SPATA6L: variants seen among roughly 807,000 people sequenced by gnomAD.
SPATA6L encodes the protein spermatogenesis associated 6 like.
SPATA6L carries 68 observed loss-of-function variants against 49.2 expected under a neutral mutation model. The observed-to-expected ratio is 1.38, with a 90% confidence interval of 1.14 to 1.69. SPATA6L has a LOEUF of 1.69. SPATA6L is among the 40% of genes most tolerant of loss of function. The probability of loss-of-function intolerance (pLI) is 0.00; values close to 1 mark genes in which losing one functional copy is unlikely to be tolerated. For missense variants in SPATA6L, 668 were observed against 464.3 expected (o/e 1.44, Z -4.03); for synonymous variants, 198 against 165.7 (o/e 1.19, Z -1.50).
intron 13 of SPATA6L, among the ~76,000 whole-genome samples, chr9:4,591,849 A>T (rs1467028194): frequency 6.6e-6 from 1 of 152,248 alleles, no homozygotes; most frequent in African/African-American, 2.4e-5. Context: ...CCAGGCAGAC[A>T]GTCACCTACC....
chr9:4,643,800 T>A (rs1014866793), intron 3 of SPATA6L, among the ~76,000 whole-genome samples: 3 of 151,188 alleles, frequency 2.0e-5, no homozygotes, highest in African/African-American at 7.3e-5. Flanking sequence ...AGGTCAGGAG[T>A]TCGACACCAG....
At chr9:4,603,300 C>A (rs1436935499) in intron 11 of SPATA6L, among the ~76,000 whole-genome samples, 1 of 152,092 alleles carries the variant, frequency 6.6e-6, no homozygotes, top group African/African-American at 2.4e-5. Context: ...TGTGGTTGTG[C>A]ACACCTGTAA....
intron 2 of SPATA6L, among the ~76,000 whole-genome samples, chr9:4,656,397 T>A (rs978696183): frequency 1.4e-5 from 2 of 145,268 alleles, no homozygotes; most frequent in Non-Finnish European, 3.0e-5. Flanking sequence ...CGAGATGGCA[T>A]CACCACATTC....
chr9:4,636,670 C>G, intron 3 of SPATA6L, among the ~76,000 whole-genome samples: 1 of 152,188 alleles, frequency 6.6e-6, no homozygotes, highest in East Asian at 1.9e-4. Flanking sequence ...AGTACATCAA[C>G]TGTAGAACAT....
intron 9 of SPATA6L, among the ~76,000 whole-genome samples, chr9:4,611,039 A>G (rs1476220054): frequency 6.7e-6 from 1 of 149,818 alleles, no homozygotes; most frequent in East Asian, 1.9e-4. Flanking sequence ...CAAAAAACAC[A>G]TGAAAAAATG....
chr9:4,662,318 G>A lies in SPATA6L; in HGVS notation c.40-282C>T, dbSNP rs956448322. 4.2e-6 allele frequency: 6 copies of A among 1,443,108 alleles called. No individual in the cohort carries two copies. The Admixed American group carries it at 8.3e-5, about 20-fold the overall frequency. 89.4% of individuals were successfully genotyped at this position (1,443,108 alleles called of 1,614,324 possible). A position where few individuals can be genotyped will look rare whatever the true frequency, so the allele number is the denominator to read the frequency against. On this transcript the variant is annotated intron_variant, in intron 1 of 11. Transcript: ENST00000682582. The surrounding 1 kb of genome is among the most constrained non-coding windows in gnomAD (Gnocchi z 4.9). ...TAGTGCGGAAGCGGAAGAGGCTGCA[G>A]GGCCGGGAAGCCTCTGTTTGGTCCG...
intron 3 of SPATA6L, among the ~76,000 whole-genome samples, chr9:4,652,417 A>G (rs865889854): frequency 6.6e-6 from 1 of 152,110 alleles, no homozygotes; most frequent in Admixed American, 6.6e-5. Flanking sequence ...AACAAAATCA[A>G]TTGGATCTCT....
rs575060963 is a variant in SPATA6L at position 4,662,526 on chromosome 9, G to A, written c.40-490C>T. The A allele has an allele frequency of 2.6e-5, 41 of 1,565,496 alleles. No homozygotes were observed. Among genetic ancestry groups the A allele is most frequent in the Non-Finnish European group, 3.1e-5 (36 of 1,165,114 alleles). The stretch of plus-strand genomic sequence containing the variant: ...CCTGCTCAGCAGCCGCGCCACGGCC[G>A]TGGACCCCACCTGCGCCCGGCTCCG... On this transcript the variant is annotated intron_variant, in intron 1 of 11. Coordinates refer to ENST00000682582, the MANE Select transcript of SPATA6L (RefSeq NM_001353486.2). The surrounding 1 kb of genome is among the most constrained non-coding windows in gnomAD (Gnocchi z 4.9).
At chr9:4,602,151 T>TC (rs938683678) in intron 11 of SPATA6L, among the ~76,000 whole-genome samples, 44 of 150,014 alleles carry the variant, frequency 2.9e-4, no homozygotes, top group East Asian at 4.0e-4. Flanking sequence ...TTTTTTTTTT[T>TC]CTTTTCTTAC....
chr9:4,601,042 A>G (rs1823112547), intron 11 of SPATA6L, among the ~76,000 whole-genome samples: 1 of 152,236 alleles, frequency 6.6e-6, no homozygotes, highest in East Asian at 1.9e-4. Flanking sequence ...TATCAGGATG[A>G]TGACAGAGTA....
chr9:4,634,004 A>G (rs1832226962), intron 4 of SPATA6L, among the ~76,000 whole-genome samples: 1 of 152,242 alleles, frequency 6.6e-6, no homozygotes, highest in South Asian at 2.1e-4. Context: ...CTGCATTTAT[A>G]AATAACTATA....
intron 3 of SPATA6L, among the ~76,000 whole-genome samples, chr9:4,643,752 C>A (rs1288503346): frequency 3.3e-5 from 5 of 152,082 alleles, no homozygotes. Context: ...CGTCTGTAAC[C>A]CCAGCACTCT....
chr9:4,619,496 G>T (rs1047366257), intron 7 of SPATA6L, among the ~76,000 whole-genome samples: 8 of 152,112 alleles, frequency 5.3e-5, no homozygotes, highest in African/African-American at 1.9e-4. Context: ...GAAGGGTAAA[G>T]CAAGTCTAAA....
chr9:4,631,824 A>T (rs1230575832), intron 4 of SPATA6L, among the ~76,000 whole-genome samples: 1 of 152,208 alleles, frequency 6.6e-6, no homozygotes, highest in African/African-American at 2.4e-5. Flanking sequence ...GAAGCCAGTC[A>T]GGCCAGCACG....
At chr9:4,593,686 A>G (rs1302240068), downstream of SPATA6L, among the ~76,000 whole-genome samples, 1 of 152,164 alleles carries the variant, frequency 6.6e-6, no homozygotes, top group Non-Finnish European at 1.5e-5. Context: ...GCATTTTCTC[A>G]GTCATCAATT....
chr9:4,626,289 A>G, intron 5 of SPATA6L: 1 of 1,002,682 alleles, frequency 1.0e-6, no homozygotes, highest in Admixed American at 3.6e-5. Flanking sequence ...CTCCAGACAT[A>G]TCAGCGGCAG....
At chr9:4,635,146 A>C in intron 4 of SPATA6L, 129 bp downstream of exon 4, 2 of 987,932 alleles carry the variant, frequency 2.0e-6, no homozygotes, top group Non-Finnish European at 2.7e-6. Context: ...TTGGGCATCA[A>C]AACAGAGCTA....
chr9:4,593,586 A>C (rs1822044175), downstream of SPATA6L, among the ~76,000 whole-genome samples: 1 of 151,784 alleles, frequency 6.6e-6, no homozygotes, highest in African/African-American at 2.4e-5. Flanking sequence ...TTTCCTCCCC[A>C]CTCACAAACA....
downstream of SPATA6L, among the ~76,000 whole-genome samples, chr9:4,597,219 G>A (rs554074782): frequency 3.4e-4 from 52 of 152,074 alleles, no homozygotes; most frequent in Admixed American, 1.9e-3. Flanking sequence ...TTGGGAGGCC[G>A]AGGCGGCAGA....
Sources: allele counts gnomAD v4.1 joint callset (sites outside exome capture counted in the v4.1 genomes callset), GRCh38; gene constraint gnomAD v4.1.1; non-coding constraint Gnocchi (gnomAD v3.1); transcripts MANE v1.5; gene names NCBI Gene and HGNC (gene_info 2026-07-23, HGNC 2026-07-21).